The following CSAD variants were observed in gnomAD, a reference collection of about 807,000 sequenced individuals.
CSAD encodes P-selectin cytoplasmic tail-associated protein.
In CSAD, 47 loss-of-function variants were observed where a neutral mutation model predicts 61.5. That is an observed-to-expected ratio of 0.76 (90% CI 0.60 to 0.97). The LOEUF is 0.97. Ranked by LOEUF, CSAD falls within the 50% of genes least tolerant of loss-of-function variation. The pLI is 0.00. For missense variants in CSAD, 611 were observed against 643.6 expected, an observed-to-expected ratio of 0.95 and a Z score of 0.55; for synonymous variants, 245 against 252.7, an observed-to-expected ratio of 0.97 and a Z score of 0.29.
chr12:53,165,236 G>A (rs976002465), intron 10 of CSAD, among the ~76,000 whole-genome samples: 2 of 152,086 alleles, frequency 1.3e-5, no homozygotes, highest in Non-Finnish European at 2.9e-5. Context: ...AGCTCCTTGG[G>A]AGGCTGAGAT....
At chr12:53,161,987 C>T (rs1592309330) in intron 10 of CSAD, among the ~76,000 whole-genome samples, 1 of 151,402 alleles carries the variant, frequency 6.6e-6, no homozygotes, top group Non-Finnish European at 1.5e-5. Context: ...AGGCCAGGCA[C>T]GGTGGCTCAC....
chr12:53,163,245 C>T (rs1939523441), intron 10 of CSAD, among the ~76,000 whole-genome samples: 1 of 151,466 alleles, frequency 6.6e-6, no homozygotes, highest in East Asian at 1.9e-4. Flanking sequence ...CAAAAACAAA[C>T]AAAAAAAATC....
chr12:53,173,633 G>A (rs1472797596), intron 3 of CSAD, 95 bp downstream of exon 3: 1 of 1,465,724 alleles, frequency 6.8e-7, no homozygotes, highest in African/African-American at 1.4e-5. Context: ...TGCCCAGGGA[G>A]AAAACCAGTG....
At position 53,173,749 on chromosome 12, in the gene CSAD, A is replaced by C; in HGVS notation, c.-28T>G. 1 of 1,612,956 alleles carries C rather than the reference A, an allele frequency of 6.2e-7. No individual in the cohort carries two copies. Among genetic ancestry groups the C allele is most frequent in the Non-Finnish European group, 8.5e-7 (1 of 1,179,116 alleles). ...TTACCTCTCTGCTCAGGAGAGCCGG[A>C]GGCAGGGTGCACAGGTAGCTCCTCA... On this transcript the variant is annotated 5_prime_UTR_variant, in exon 3 of 17. Coordinates refer to ENST00000444623, the MANE Select transcript of CSAD (RefSeq NM_001244705.2).
At chr12:53,159,453 G>C (rs904861371) in intron 16 of CSAD, 170 bp downstream of exon 16, 1 of 622,006 alleles carries the variant, frequency 1.6e-6, no homozygotes, top group Admixed American at 2.9e-5. Context: ...TTACTTCCCA[G>C]AAACATACCT....
chr12:53,159,830 G>C, intron 15 of CSAD, 57 bp downstream of exon 15: 1 of 1,549,194 alleles, frequency 6.5e-7, no homozygotes. Context: ...GTTGGGGCTT[G>C]GGGGCTGCAA....
intron 10 of CSAD, among the ~76,000 whole-genome samples, chr12:53,165,492 C>G (rs963992736): frequency 4.0e-5 from 6 of 151,704 alleles, no homozygotes; most frequent in Admixed American, 6.6e-5. Context: ...AACCCCGTCT[C>G]TACTAAAAAT....
chr12:53,172,995 G>A (rs1479627233), intron 4 of CSAD, among the ~76,000 whole-genome samples: 2 of 152,168 alleles, frequency 1.3e-5, no homozygotes, highest in South Asian at 2.1e-4. Flanking sequence ...ATTACCTGAG[G>A]TCAGGAGTTC....
intron 1 of CSAD, 114 bp downstream of exon 1, chr12:53,180,618 C>G: frequency 2.3e-6 from 3 of 1,283,942 alleles, no homozygotes; most frequent in South Asian, 1.2e-5. Context: ...GAGGCTGCCC[C>G]CGCTAGTCTA....
At position 53,158,309 on chromosome 12, in the gene CSAD, T is replaced by C. The variant is rs1415538001; in HGVS notation, c.*202A>G. Reference sequence around the variant, plus strand: ...GGCCACCATGCTCGGCTAATTTTTGTATTTTTAGTAGAGACAGGGTTTCAC... The same window carrying C: ...GGCCACCATGCTCGGCTAATTTTTGCATTTTTAGTAGAGACAGGGTTTCAC... On this transcript the variant is annotated 3_prime_UTR_variant, in exon 17 of 17. Coordinates refer to ENST00000444623, the MANE Select transcript of CSAD (RefSeq NM_001244705.2). 7.0e-6 allele frequency: 3 copies of C among 425,702 alleles called. No homozygotes were observed. Among genetic ancestry groups the C allele is most frequent in the South Asian group, 3.1e-5 (1 of 31,762 alleles). 26.4% of individuals were successfully genotyped at this position (425,702 alleles called of 1,614,324 possible).
chr12:53,173,197 G>C (rs1321829422), intron 4 of CSAD, 148 bp downstream of exon 4: 1 of 762,348 alleles, frequency 1.3e-6, no homozygotes, highest in Non-Finnish European at 2.1e-6. Context: ...GATAGAGCGA[G>C]ACTCTGTCAA....
At chr12:53,176,778 G>A (rs1941142360) in intron 2 of CSAD, among the ~76,000 whole-genome samples, 1 of 152,064 alleles carries the variant, frequency 6.6e-6, no homozygotes, top group Non-Finnish European at 1.5e-5. Flanking sequence ...TATCACCCAG[G>A]CTGAAGTGCA....
At position 53,180,102 on chromosome 12, in the gene CSAD, G is replaced by T. The variant is rs1941450343; in HGVS notation, c.-91+630C>A. ...GCTGGGGCTTTGACTTCTGCAGGGAGGTGAGCAGTGTGGCCAAGGGCTACT... is the reference window on the plus strand; with the variant it reads ...GCTGGGGCTTTGACTTCTGCAGGGATGTGAGCAGTGTGGCCAAGGGCTACT... On this transcript the variant is annotated intron_variant, in intron 1 of 16. Coordinates refer to ENST00000444623, the MANE Select transcript of CSAD (RefSeq NM_001244705.2). The T allele has an allele frequency of 2.9e-6, 4 of 1,360,602 alleles. No individual in the cohort carries two copies. The East Asian group carries it at 1.2e-4, about 40-fold the overall frequency. The allele number at this position is 1,360,602 out of a possible 1,614,324, so 84.3% of individuals were successfully genotyped here. A position where few individuals can be genotyped will look rare whatever the true frequency, so the allele number is the denominator to read the frequency against.
intron 2 of CSAD, among the ~76,000 whole-genome samples, chr12:53,175,726 A>C (rs1941055470): frequency 6.6e-6 from 1 of 152,226 alleles, no homozygotes; most frequent in African/African-American, 2.4e-5. Flanking sequence ...ACTGGAAAAA[A>C]TGCTGCATTC....
At chr12:53,176,416 A>C (rs573477025) in intron 2 of CSAD, among the ~76,000 whole-genome samples, 52 of 151,574 alleles carry the variant, frequency 3.4e-4, no homozygotes, top group African/African-American at 1.2e-3. Context: ...ATCTCAAAAA[A>C]AAAAACAAGA....
At chr12:53,179,720 T>TC in intron 1 of CSAD, 1 of 1,430,010 alleles carries the variant, frequency 7.0e-7, no homozygotes, top group South Asian at 1.2e-5. Context: ...ATACAGTTTT[T>TC]TTTTTCTTTT....
At chr12:53,173,100 C>T (rs1306981785) in intron 4 of CSAD, among the ~76,000 whole-genome samples, 3 of 151,946 alleles carry the variant, frequency 2.0e-5, no homozygotes, top group East Asian at 1.9e-4. Flanking sequence ...CCCAGCTACT[C>T]GGGAGGCTGA....
intron 10 of CSAD, 90 bp from the exon 11 acceptor site, chr12:53,161,479 A>G (rs1215972061): frequency 2.0e-6 from 2 of 1,012,958 alleles, no homozygotes; most frequent in Admixed American, 4.0e-5. Flanking sequence ...AGCTCTTTGC[A>G]TGCCTAAAAT....
Position 53,171,363 on chromosome 12 carries a change from C to T in CSAD, c.530G>A (p.Arg177His), listed in dbSNP as rs151182628. 4.7e-5 allele frequency: 76 copies of T among 1,614,002 alleles called. No homozygotes were observed. Among genetic ancestry groups the T allele is most frequent in the African/African-American group, 3.2e-4 (24 of 75,040 alleles). The change falls in exon 8 of 17, where the codon CGC becomes CAC. Residue 177 changes from arginine to histidine, a missense_variant. Arg to His is a conservative substitution (Grantham distance 29). Coordinates refer to ENST00000444623, the MANE Select transcript of CSAD (RefSeq NM_001244705.2). ...RYPDCKQRGL[R>H]TLPPLALFTS... ...GAATAGGGCCAGGGGCGGCAGTGTGCGGAGGCCCCTCTGCTTGCAATCCGG... is the reference window on the plus strand; with the variant it reads ...GAATAGGGCCAGGGGCGGCAGTGTGTGGAGGCCCCTCTGCTTGCAATCCGG...
Sources: allele counts gnomAD v4.1 joint callset (sites outside exome capture counted in the v4.1 genomes callset), GRCh38; gene constraint gnomAD v4.1.1; transcripts MANE v1.5; gene names NCBI Gene and HGNC (gene_info 2026-07-23, HGNC 2026-07-21).